ZNF385D: variants seen among roughly 807,000 people sequenced by gnomAD.
The protein encoded by ZNF385D is zinc finger protein 385D, also known as zinc finger protein 659.
ZNF385D carries 15 observed loss-of-function variants against 35.8 expected under a neutral mutation model. The ratio of observed to expected loss-of-function variants is 0.42; its 90% CI spans 0.28 to 0.64. The LOEUF (loss-of-function observed/expected upper bound fraction) is 0.64, where lower values mean the gene tolerates loss of function less well. Ranked by LOEUF, ZNF385D falls within the 30% of genes least tolerant of loss-of-function variation. ZNF385D has a pLI of 0.23. For synonymous variants in ZNF385D, 212 were observed against 186.8 expected (o/e 1.13, Z -1.10); for missense variants, 474 against 494.6 (o/e 0.96, Z 0.39).
rs538022107 is a variant in ZNF385D, at chr3:21,595,700, A to G, written c.166-31016T>C. Among the ~76,000 whole-genome samples the G allele has an allele frequency of 8.6e-5, 13 of 151,856 alleles. No homozygotes were observed. In the East Asian group the frequency reaches 2.5e-3, roughly 30 times the overall value. Reference sequence around the variant, plus strand: ...CTAGCCAAGGGTAGCACTTACTATCATGGAATACATTGTTTTCAACAGAAT... The same window carrying G: ...CTAGCCAAGGGTAGCACTTACTATCGTGGAATACATTGTTTTCAACAGAAT... On this transcript the variant is annotated intron_variant, in intron 2 of 7. Transcript: ENST00000281523.
intron 2 of ZNF385D, among the ~76,000 whole-genome samples, chr3:21,606,245 C>T (rs143267472): frequency 7.2e-4 from 110 of 152,330 alleles, no homozygotes; most frequent in African/African-American, 2.6e-3. Flanking sequence ...AACAGTACCT[C>T]TCACCCTTCT....
rs370275141 is a variant in ZNF385D, at chr3:22,182,462, A to G, written c.107-13427T>C. Among the ~76,000 whole-genome samples, 7 of 152,256 alleles carry G rather than the reference A, an allele frequency of 4.6e-5. No individual in the cohort carries two copies. In the South Asian group the frequency reaches 1.5e-3, roughly 32 times the overall value. The stretch of plus-strand genomic sequence containing the variant: ...CCATGACAGACATAACTAATCAATT[A>G]TGACAATCTTTCCTTCAGAGGCTGG... On this transcript the variant is annotated intron_variant, in intron 2 of 5. Coordinates refer to the ZNF385D transcript ENST00000494108.
intron 1 of ZNF385D, among the ~76,000 whole-genome samples, chr3:21,744,284 G>A (rs1400667287): frequency 6.6e-6 from 1 of 152,214 alleles, no homozygotes. Context: ...ACAAGTGTAA[G>A]GGATCATGTT....
chr3:22,008,501 C>T (rs957486317), intron 3 of ZNF385D, among the ~76,000 whole-genome samples: 3 of 151,966 alleles, frequency 2.0e-5, no homozygotes, highest in Non-Finnish European at 4.4e-5. Flanking sequence ...GGACTACAGG[C>T]GCCCGCCACC....
At chr3:21,587,176 T>A (rs980054866) in intron 2 of ZNF385D, among the ~76,000 whole-genome samples, 4 of 152,176 alleles carry the variant, frequency 2.6e-5, no homozygotes, top group African/African-American at 9.7e-5. Flanking sequence ...ACTTTTCCCC[T>A]TTTAGCAATA....
rs1241107153 is a variant in ZNF385D, at chr3:21,746,291, C to A, written c.22+4604G>T. Reference sequence around the variant, plus strand: ...AGCATACCTCATTTCCATATAATTACAACAACTGTGGAGGTCCTTTTAAAA... The same window carrying A: ...AGCATACCTCATTTCCATATAATTAAAACAACTGTGGAGGTCCTTTTAAAA... On this transcript the variant is annotated intron_variant, in intron 1 of 7. Coordinates refer to ENST00000281523, the MANE Select transcript of ZNF385D (RefSeq NM_024697.3). Among the ~76,000 whole-genome samples, 7 of 152,188 alleles carry A rather than the reference C, an allele frequency of 4.6e-5. No homozygotes were observed. In the East Asian group the frequency reaches 1.3e-3, roughly 29 times the overall value.
At chr3:22,307,587 T>A (rs1703300292) in intron 2 of ZNF385D, among the ~76,000 whole-genome samples, 1 of 152,008 alleles carries the variant, frequency 6.6e-6, no homozygotes, top group African/African-American at 2.4e-5. Context: ...TTTGGGAAAA[T>A]CATAACACAA....
intron 3 of ZNF385D, among the ~76,000 whole-genome samples, chr3:21,858,173 A>AG (rs386355792): frequency 4.0e-5 from 6 of 150,456 alleles, no homozygotes; most frequent in Non-Finnish European, 7.4e-5. Context: ...AAAAAAAAAA[A>AG]GGGAAATACA....
chr3:21,655,730 A>C (rs191429038), intron 2 of ZNF385D, among the ~76,000 whole-genome samples: 3 of 152,168 alleles, frequency 2.0e-5, no homozygotes, highest in African/African-American at 7.2e-5. Context: ...ACAAGAGGTC[A>C]TCTAGCTATG....
intron 4 of ZNF385D, among the ~76,000 whole-genome samples, chr3:21,497,120 G>A (rs1705960766): frequency 6.6e-6 from 1 of 152,108 alleles, no homozygotes; most frequent in Non-Finnish European, 1.5e-5. Flanking sequence ...ATCCCTATTT[G>A]CAGATGATAT....
At chr3:21,902,545 C>T (rs1410125701) in intron 3 of ZNF385D, among the ~76,000 whole-genome samples, 1 of 152,092 alleles carries the variant, frequency 6.6e-6, no homozygotes, top group East Asian at 1.9e-4. Flanking sequence ...AAGTAGCTTT[C>T]ATTGAGACGA....
chr3:21,425,743 G>A (rs1190244912), intron 5 of ZNF385D, 73 bp from the exon 6 acceptor site: 1 of 1,407,504 alleles, frequency 7.1e-7, no homozygotes. Flanking sequence ...GGTGGGATGG[G>A]AGGAAAAAAA....
chr3:22,288,526 T>G (rs1702140856), intron 2 of ZNF385D, among the ~76,000 whole-genome samples: 1 of 152,080 alleles, frequency 6.6e-6, no homozygotes, highest in Non-Finnish European at 1.5e-5. Flanking sequence ...TGCATTAGAT[T>G]TTTCTATTCA....
chr3:21,905,019 C>CA (rs1442772908), intron 3 of ZNF385D, among the ~76,000 whole-genome samples: 2 of 151,528 alleles, frequency 1.3e-5, no homozygotes, highest in Admixed American at 6.6e-5. Context: ...AATACTATAA[C>CA]AAAAAATCTA....
chr3:22,182,758 T>C (rs895613962), intron 2 of ZNF385D, among the ~76,000 whole-genome samples: 22 of 152,222 alleles, frequency 1.4e-4, no homozygotes, highest in African/African-American at 4.3e-4. Context: ...AGAATCCAAA[T>C]TGAAAATTAC....
chr3:21,874,898 A>C lies in ZNF385D; in HGVS notation c.326-209870T>G, dbSNP rs550561091. ...TTTCCACTTGTTTGTTTGTTCTTTA[A>C]TTTCTTTTAGCAAAGCTTTATAGTT... On this transcript the variant is annotated intron_variant, in intron 3 of 5. Coordinates refer to the ZNF385D transcript ENST00000494108. Among the ~76,000 whole-genome samples, 11 of 151,996 alleles carry C rather than the reference A, an allele frequency of 7.2e-5. No individual in the cohort carries two copies. The South Asian group carries it at 2.1e-3, about 29-fold the overall frequency.
intron 3 of ZNF385D, among the ~76,000 whole-genome samples, chr3:21,767,282 CT>C (rs1299757407): frequency 1.3e-5 from 2 of 152,056 alleles, no homozygotes; most frequent in African/African-American, 4.8e-5. Context: ...ATACATTTGT[CT>C]TTTTAGCTCA....
intron 1 of ZNF385D, among the ~76,000 whole-genome samples, chr3:21,727,361 G>T (rs1359418688): frequency 6.6e-6 from 1 of 152,126 alleles, no homozygotes; most frequent in African/African-American, 2.4e-5. Flanking sequence ...CACAGCAAAA[G>T]AAACTATCAT....
At chr3:22,293,126 A>G (rs192257426) in intron 2 of ZNF385D, among the ~76,000 whole-genome samples, 7 of 152,172 alleles carry the variant, frequency 4.6e-5, no homozygotes, top group Admixed American at 4.6e-4. Flanking sequence ...TCACTTATAC[A>G]TCATAAATCC....
Sources: allele counts gnomAD v4.1 joint callset (sites outside exome capture counted in the v4.1 genomes callset), GRCh38; gene constraint gnomAD v4.1.1; transcripts MANE v1.5; gene names NCBI Gene and HGNC (gene_info 2026-07-23, HGNC 2026-07-21).